Variants in PTPRR observed in about 807,000 individuals in gnomAD.
PTPRR encodes receptor-type tyrosine-protein phosphatase R.
Under a neutral mutation model 77.2 loss-of-function variants are expected in PTPRR, and 38 were observed. That is an observed-to-expected ratio of 0.49 (90% CI 0.38 to 0.65). The LOEUF (loss-of-function observed/expected upper bound fraction) is 0.65, where lower values mean the gene tolerates loss of function less well. PTPRR is among the 30% of genes least tolerant of loss of function. PTPRR has a pLI of 0.00. For missense variants in PTPRR, 744 were observed against 799.2 expected (o/e 0.93, Z 0.83); for synonymous variants, 299 against 283.1 (o/e 1.06, Z -0.57).
At chr12:70,836,158 C>A (rs549309993) in intron 2 of PTPRR, among the ~76,000 whole-genome samples, 9 of 152,192 alleles carry the variant, frequency 5.9e-5, no homozygotes, top group East Asian at 3.9e-4. Context: ...CTCAGATAAC[C>A]TCAGCGGTTT....
intron 2 of PTPRR, among the ~76,000 whole-genome samples, chr12:70,804,245 C>T (rs976167884): frequency 6.6e-6 from 1 of 151,108 alleles, no homozygotes; most frequent in African/African-American, 2.4e-5. Flanking sequence ...GGTTAGCTGG[C>T]TATTTTCTTT....
chr12:70,666,254 T>G (rs1008491190), intron 10 of PTPRR, among the ~76,000 whole-genome samples: 5 of 152,330 alleles, frequency 3.3e-5, no homozygotes, highest in Middle Eastern at 6.8e-3. Context: ...TTTCCATCTT[T>G]GATTTCCACA....
rs1893104608 is a variant in PTPRR at position 70,879,104 on chromosome 12, G to A, written c.357+13575C>T. Among the ~76,000 whole-genome samples the A allele has an allele frequency of 5.3e-5, 8 of 152,062 alleles. No individual in the cohort carries two copies. The South Asian group carries it at 1.7e-3, about 32-fold the overall frequency. On this transcript the variant is annotated intron_variant, in intron 2 of 13. Transcript: ENST00000283228. ...ACATCACACACCAGGGCCTGTTGTG[G>A]GGTGTGGGGAGGGGGAAGGGAAAGC... is the stretch of plus-strand genomic sequence containing the variant.
chr12:70,778,233 G>T (rs1891130881), intron 2 of PTPRR, among the ~76,000 whole-genome samples: 2 of 151,954 alleles, frequency 1.3e-5, no homozygotes, highest in African/African-American at 4.8e-5. Flanking sequence ...GAACTCTGCT[G>T]CTATTTTCCA....
chr12:70,888,682 A>G (rs1893282972), intron 2 of PTPRR, among the ~76,000 whole-genome samples: 1 of 152,138 alleles, frequency 6.6e-6, no homozygotes, highest in Non-Finnish European at 1.5e-5. Context: ...TACCCTTAAC[A>G]CATATTAATT....
intron 10 of PTPRR, among the ~76,000 whole-genome samples, chr12:70,669,865 G>A (rs1887154216): frequency 6.6e-6 from 1 of 152,126 alleles, no homozygotes; most frequent in African/African-American, 2.4e-5. Context: ...TTTCTGAAGT[G>A]CTGGGATTAC....
intron 2 of PTPRR, among the ~76,000 whole-genome samples, chr12:70,857,671 G>A (rs10784872): frequency 6.6e-6 from 1 of 152,102 alleles, no homozygotes; most frequent in African/African-American, 2.4e-5. Context: ...AATCTATATA[G>A]AGTGAATATG....
chr12:70,672,087 C>A, intron 10 of PTPRR: 1 of 1,366,372 alleles, frequency 7.3e-7, no homozygotes, highest in Non-Finnish European at 1.0e-6. Flanking sequence ...AACCTCAATG[C>A]CTTTGACTCT....
At chr12:70,731,385 C>T (rs1889656712) in intron 6 of PTPRR, among the ~76,000 whole-genome samples, 1 of 152,158 alleles carries the variant, frequency 6.6e-6, no homozygotes, top group Non-Finnish European at 1.5e-5. Flanking sequence ...GGAAGTATTG[C>T]CTCACCTGGA....
At chr12:70,698,909 G>A (rs2051626483) in intron 7 of PTPRR, among the ~76,000 whole-genome samples, 1 of 152,044 alleles carries the variant, frequency 6.6e-6, no homozygotes, top group Non-Finnish European at 1.5e-5. Flanking sequence ...AGTTATAAAT[G>A]CACTGTTTTT....
intron 2 of PTPRR, among the ~76,000 whole-genome samples, chr12:70,778,104 C>T (rs1321800115): frequency 6.6e-6 from 1 of 152,164 alleles, no homozygotes; most frequent in African/African-American, 2.4e-5. Flanking sequence ...CATGAGTGCT[C>T]TATTTCCTGA....
intron 8 of PTPRR, among the ~76,000 whole-genome samples, chr12:70,688,269 C>T (rs891558455): frequency 1.3e-5 from 2 of 152,066 alleles, no homozygotes; most frequent in East Asian, 3.9e-4. Context: ...ACAGCAAATC[C>T]ACAGATTGGG....
At chr12:70,836,510 G>C (rs1892307333) in intron 2 of PTPRR, among the ~76,000 whole-genome samples, 1 of 151,914 alleles carries the variant, frequency 6.6e-6, no homozygotes, top group Admixed American at 6.6e-5. Flanking sequence ...TTGGACTAAA[G>C]TCCAAAACCT....
chr12:70,638,985 G>A lies in PTPRR; in HGVS notation c.*199C>T, dbSNP rs1228581738. ...ATCAAAAAACCTTCAGAATAATTTG[G>A]GGGATGCTTACAAATGCATTCATAT... On this transcript the variant is annotated 3_prime_UTR_variant, in exon 14 of 14. Coordinates refer to ENST00000283228, the MANE Select transcript of PTPRR (RefSeq NM_002849.4). The A allele has an allele frequency of 1.8e-5, 10 of 570,530 alleles. No individual in the cohort carries two copies. The highest frequency in any genetic ancestry group is 2.8e-5 in the Non-Finnish European group (9 of 320,612). The allele number at this position is 570,530 out of a possible 1,614,324, so 35.3% of individuals were successfully genotyped here.
At chr12:70,824,309 T>A (rs1043935138) in intron 2 of PTPRR, among the ~76,000 whole-genome samples, 1 of 152,228 alleles carries the variant, frequency 6.6e-6, no homozygotes, top group Non-Finnish European at 1.5e-5. Flanking sequence ...TACTTTTCTT[T>A]TTTGGTAAAT....
At chr12:70,864,727 G>A (rs1892811026) in intron 2 of PTPRR, among the ~76,000 whole-genome samples, 1 of 152,140 alleles carries the variant, frequency 6.6e-6, no homozygotes, top group Non-Finnish European at 1.5e-5. Flanking sequence ...GAGGGACCTG[G>A]TGAGAGAGAA....
intron 6 of PTPRR, among the ~76,000 whole-genome samples, chr12:70,703,744 G>A (rs1888514888): frequency 6.6e-6 from 1 of 152,124 alleles, no homozygotes; most frequent in Non-Finnish European, 1.5e-5. Flanking sequence ...CTAGTCCTAT[G>A]CCCTTTAAAA....
intron 2 of PTPRR, among the ~76,000 whole-genome samples, chr12:70,828,642 G>A (rs1021784905): frequency 1.3e-5 from 2 of 152,134 alleles, no homozygotes; most frequent in Non-Finnish European, 2.9e-5. Flanking sequence ...ACTTTCTTAT[G>A]CATATTATAT....
chr12:70,708,020 G>C (rs998914361), intron 6 of PTPRR, among the ~76,000 whole-genome samples: 1 of 152,144 alleles, frequency 6.6e-6, no homozygotes, highest in Admixed American at 6.6e-5. Context: ...CTGCAGTTCT[G>C]TTCTCTATGC....
Sources: gnomAD v4.1 joint callset for allele counts (sites outside exome capture counted in the v4.1 genomes callset) on GRCh38, gnomAD v4.1.1 for gene constraint, MANE v1.5 for transcripts, NCBI Gene and HGNC (gene_info 2026-07-23, HGNC 2026-07-21) for gene names.